RPS6KA1: variants seen among roughly 807,000 people sequenced by gnomAD.
RPS6KA1 encodes ribosomal protein S6 kinase A1, also known as ribosomal protein S6 kinase alpha-1.
Under a neutral mutation model 91.3 loss-of-function variants are expected in RPS6KA1, and 48 were observed. That is an observed-to-expected ratio of 0.53 (90% CI 0.42 to 0.67). RPS6KA1 has a LOEUF of 0.67. Ranked by LOEUF, RPS6KA1 falls within the 30% of genes least tolerant of loss-of-function variation. The pLI is 0.00. For synonymous variants in RPS6KA1, 359 were observed against 384.7 expected, an observed-to-expected ratio of 0.93 and a Z score of 0.78; for missense variants, 719 against 960.5, an observed-to-expected ratio of 0.75 and a Z score of 3.32.
In RPS6KA1 at chr1:26,561,184, A is replaced by G. The variant is rs1279824188; in HGVS notation, c.1431+50A>G. ...GGTGGGGACCAGGAACTCAACTCTC[A>G]GGATTTGTCTCAGGATTGCCATTCC... On this transcript the variant is annotated intron_variant, in intron 16 of 21. Transcript: ENST00000374168. This position sits in a 1 kb window ranked among gnomAD's most constrained non-coding sequence, Gnocchi z 5.7. 4.7e-6 allele frequency: 7 copies of G among 1,501,358 alleles called. No homozygotes were observed. The highest frequency in any genetic ancestry group is 6.5e-6 in the Non-Finnish European group (7 of 1,079,492). The allele number at this position is 1,501,358 out of a possible 1,614,324, so 93.0% of individuals were successfully genotyped here. A position where few individuals can be genotyped will look rare whatever the true frequency, so the allele number is the denominator to read the frequency against.
intron 17 of RPS6KA1, among the ~76,000 whole-genome samples, chr1:26,570,741 C>T (rs2124671587): frequency 6.6e-6 from 1 of 152,290 alleles, no homozygotes; most frequent in Non-Finnish European, 1.5e-5. Flanking sequence ...TGCCGGTGGG[C>T]AGACTCAGAA....
At chr1:26,531,848 C>T (rs960218686) in intron 1 of RPS6KA1, among the ~76,000 whole-genome samples, 3 of 152,304 alleles carry the variant, frequency 2.0e-5, no homozygotes, top group African/African-American at 4.8e-5. Flanking sequence ...TCCCCCACTC[C>T]TGGAGGTGCC....
rs1293611903 is a variant in RPS6KA1 at position 26,558,957 on chromosome 1, G to A, written c.1215+20G>A. 6.2e-7 allele frequency: 1 copy of A among 1,602,772 alleles called. No individual in the cohort carries two copies. The highest frequency in any genetic ancestry group is 8.5e-7 in the Non-Finnish European group (1 of 1,171,294). On this transcript the variant is annotated intron_variant, in intron 14 of 21. Transcript: ENST00000374168. This position sits in a 1 kb window ranked among gnomAD's most constrained non-coding sequence, Gnocchi z 4.0. ...GTACAGGTGAGGGGGGCAGGGGGCT[G>A]CTGCTCCATTATCCTTTTCTAAAGA... is the stretch of plus-strand genomic sequence containing the variant.
intron 17 of RPS6KA1, among the ~76,000 whole-genome samples, chr1:26,565,546 T>TTCTTTTCTTG (rs1389324792): frequency 1.3e-5 from 2 of 150,916 alleles, no homozygotes; most frequent in East Asian, 3.9e-4. Flanking sequence ...ATTTATTTTT[T>TTCTTTTCTTG]TCTTTTCTTT....
chr1:26,573,929 C>T, intron 21 of RPS6KA1, 150 bp from the exon 22 acceptor site: 1 of 820,762 alleles, frequency 1.2e-6, no homozygotes. Flanking sequence ...CAGAGTGAGA[C>T]TGTATCTCAA....
In RPS6KA1 at chr1:26,574,401, C is replaced by T; in HGVS notation, c.*200C>T. The T allele has an allele frequency of 1.3e-6, 1 of 788,478 alleles. No individual in the cohort carries two copies. The highest frequency in any genetic ancestry group is 2.3e-6 in the Non-Finnish European group (1 of 429,668). 48.8% of individuals were successfully genotyped at this position (788,478 alleles called of 1,614,324 possible). ...GGATGGACTCTTCTCGGCTCAGGCTCTGCTGGTGGAAAGCGATTCACTGTA... is the reference window on the plus strand; with the variant it reads ...GGATGGACTCTTCTCGGCTCAGGCTTTGCTGGTGGAAAGCGATTCACTGTA... On this transcript the variant is annotated 3_prime_UTR_variant, in exon 22 of 22. Transcript: ENST00000374168. The surrounding 1 kb of genome is among the most constrained non-coding windows in gnomAD (Gnocchi z 4.3).
rs371340177 is a variant in RPS6KA1 at position 26,566,279 on chromosome 1, C to CTTTT, written c.1590+4635_1590+4638dup. On this transcript the variant is annotated intron_variant, in intron 17 of 21. Transcript: ENST00000374168. ...GGTGTGGAGTGGTATCTCATTGTAG[C>CTTTT]TTTTTTTTTTTTTTTTTTTTTTGAG... 5.4e-3 allele frequency among the ~76,000 whole-genome samples: 530 copies of CTTTT among 97,934 alleles called. 8 individuals carry two copies. The highest frequency in any genetic ancestry group is 0.024 in the East Asian group (58 of 2,456). The allele number at this position is 97,934 out of a possible 152,430, so 64.2% of individuals were successfully genotyped here. A position where few individuals can be genotyped will look rare whatever the true frequency, so the allele number is the denominator to read the frequency against.
At position 26,571,381 on chromosome 1, in the gene RPS6KA1, C is replaced by A; in HGVS notation, c.1591-68C>A. 6.7e-7 allele frequency: 1 copy of A among 1,502,220 alleles called. No individual in the cohort carries two copies. The highest frequency in any genetic ancestry group is 9.2e-7 in the Non-Finnish European group (1 of 1,085,900). 93.1% of individuals were successfully genotyped at this position (1,502,220 alleles called of 1,614,324 possible). ...CCCTGTCTGTGTAGCTTTCTAATCTCTGGCCGCTGACCTGGGCCACTAGCC... is the reference window on the plus strand; with the variant it reads ...CCCTGTCTGTGTAGCTTTCTAATCTATGGCCGCTGACCTGGGCCACTAGCC... On this transcript the variant is annotated intron_variant, in intron 17 of 21. Transcript: ENST00000374168. This position sits in a 1 kb window ranked among gnomAD's most constrained non-coding sequence, Gnocchi z 5.1.
chr1:26,536,152 TA>T (rs35238041), intron 1 of RPS6KA1, among the ~76,000 whole-genome samples: 3,821 of 74,408 alleles, frequency 0.051, 175 homozygotes, highest in African/African-American at 0.18. Flanking sequence ...AAACTCTGTC[TA>T]AAAAAAAAAA....
In RPS6KA1 at chr1:26,554,744, T is replaced by C. The variant is rs1557503183; in HGVS notation, c.756+6T>C. ...GGTCCTATGGGGTGTTGATGGTGAG[T>C]GCCCAGACAGGGGTAAAGGATCCAG... On this transcript the variant is annotated splice_donor_region_variant and intron_variant, in intron 9 of 21. Transcript: ENST00000374168. This position sits in a 1 kb window ranked among gnomAD's most constrained non-coding sequence, Gnocchi z 4.6. The C allele has an allele frequency of 6.3e-7, 1 of 1,594,264 alleles. No homozygotes were observed. Among genetic ancestry groups the C allele is most frequent in the Non-Finnish European group, 8.6e-7 (1 of 1,165,008 alleles).
At position 26,557,053 on chromosome 1, in the gene RPS6KA1, A is replaced by G; in HGVS notation, c.1037A>G (p.Asp346Gly). 1 of 1,614,110 alleles carries G rather than the reference A, an allele frequency of 6.2e-7. No individual in the cohort carries two copies. Residue 346 changes from aspartate to glycine, a missense_variant, in exon 13 of 22, where the codon GAT (aspartate) becomes GGT (glycine). By Grantham distance (94) the Asp-to-Gly change is moderately conservative (BLOSUM62 -1). This residue lies in a region of RPS6KA1 where 228 missense variants were observed against 247.6 expected (regional missense o/e 0.92). Transcript: ENST00000374168. The stretch of plus-strand genomic sequence containing the variant: ...TTCAAGCCAGCAGTGGCTCAGCCTG[A>G]TGACACCTTCTACTTTGACACCGAG... ...PPFKPAVAQPDDTFYFDTEFT... is the reference protein window; with the variant it reads ...PPFKPAVAQPGDTFYFDTEFT...
chr1:26,530,039 AG>A (rs1291366357), intron 1 of RPS6KA1, 56 bp downstream of exon 1: 2 of 1,208,312 alleles, frequency 1.7e-6, no homozygotes, highest in Non-Finnish European at 2.1e-6. Context: ...GGATCCTCAC[AG>A]GGGCGGGGCG....
intron 17 of RPS6KA1, among the ~76,000 whole-genome samples, chr1:26,562,578 C>A (rs1219565247): frequency 2.0e-5 from 3 of 152,142 alleles, no homozygotes; most frequent in Non-Finnish European, 4.4e-5. Flanking sequence ...TTTATTACTG[C>A]ACAAGGCAGG....
rs993893632 is a variant in RPS6KA1 at position 26,574,600 on chromosome 1, G to A, written c.*399G>A. The A allele has an allele frequency of 2.1e-5, 8 of 389,270 alleles. No individual in the cohort carries two copies. Among genetic ancestry groups the A allele is most frequent in the Middle Eastern group, 1.2e-3 (2 of 1,700 alleles). The allele number at this position is 389,270 out of a possible 1,614,324, so 24.1% of individuals were successfully genotyped here. A position where few individuals can be genotyped will look rare whatever the true frequency, so the allele number is the denominator to read the frequency against. On this transcript the variant is annotated 3_prime_UTR_variant, in exon 22 of 22. Transcript: ENST00000374168. The surrounding 1 kb of genome is among the most constrained non-coding windows in gnomAD (Gnocchi z 4.3). ...GGGATCCCACCCTGGGGACCCCCACGATTGGCCACCTGTAGCCATCTGCAC... is the reference window on the plus strand; with the variant it reads ...GGGATCCCACCCTGGGGACCCCCACAATTGGCCACCTGTAGCCATCTGCAC...
chr1:26,570,737 T>G (rs532573795), intron 17 of RPS6KA1, among the ~76,000 whole-genome samples: 5 of 152,350 alleles, frequency 3.3e-5, no homozygotes, highest in African/African-American at 9.6e-5. Flanking sequence ...TACATGCCGG[T>G]GGGCAGACTC....
intron 14 of RPS6KA1, among the ~76,000 whole-genome samples, chr1:26,560,496 GC>G (rs1443394022): frequency 6.6e-6 from 1 of 152,216 alleles, no homozygotes; most frequent in African/African-American, 2.4e-5. Context: ...CTGACCACAG[GC>G]TGCAGTCCAG....
rs2076096693 is a variant in RPS6KA1 at position 26,555,822 on chromosome 1, G to A, written c.916+197G>A. ...GAGTTGACCTGTGTGTAGGGGGAAG[G>A]CAGGAACTGAGTCATCCCTACTCCC... is the stretch of plus-strand genomic sequence containing the variant. On this transcript the variant is annotated intron_variant, in intron 11 of 21. Coordinates refer to ENST00000374168, the MANE Select transcript of RPS6KA1 (RefSeq NM_002953.4). This position sits in a 1 kb window ranked among gnomAD's most constrained non-coding sequence, Gnocchi z 4.3. Among the ~76,000 whole-genome samples the A allele has an allele frequency of 6.6e-6, 1 of 152,124 alleles. No individual in the cohort carries two copies. Among genetic ancestry groups the A allele is most frequent in the Non-Finnish European group, 1.5e-5 (1 of 68,016 alleles).
chr1:26,562,798 CCATAGACA>C (rs1424516082), intron 17 of RPS6KA1, among the ~76,000 whole-genome samples: 2 of 147,574 alleles, frequency 1.4e-5, no homozygotes, highest in Non-Finnish European at 3.0e-5. Context: ...AGTACCCAGT[CCATAGACA>C]CATTTTTCTC....
intron 17 of RPS6KA1, among the ~76,000 whole-genome samples, chr1:26,565,258 C>G (rs1007596902): frequency 2.0e-5 from 3 of 152,026 alleles, no homozygotes. Context: ...GCTGGGAATC[C>G]CACAGGAGCT....
Sources: gnomAD v4.1 joint callset for allele counts (sites outside exome capture counted in the v4.1 genomes callset) on GRCh38, gnomAD v4.1.1 for gene constraint, gnomAD v4.1.1 regional missense constraint, Gnocchi (gnomAD v3.1) non-coding constraint, MANE v1.5 for transcripts, NCBI Gene and HGNC (gene_info 2026-07-23, HGNC 2026-07-21) for gene names.